The following SOX6 variants were observed in gnomAD, a reference collection of about 807,000 sequenced individuals.
SOX6 encodes the protein transcription factor SOX-6.
In SOX6, 11 loss-of-function variants were observed where a neutral mutation model predicts 97.8. The ratio of observed to expected loss-of-function variants is 0.11; its 90% CI spans 0.07 to 0.19. The LOEUF is 0.19. SOX6 is among the 10% of genes least tolerant of loss of function. The pLI, the probability that SOX6 is intolerant of heterozygous loss-of-function variation, is 1.00. For missense variants in SOX6, 810 were observed against 1,039.5 expected (o/e 0.78, Z 3.04); for synonymous variants, 360 against 371.4 (o/e 0.97, Z 0.35).
chr11:16,075,865 G>A (rs1007269369), intron 9 of SOX6, among the ~76,000 whole-genome samples: 3 of 151,652 alleles, frequency 2.0e-5, no homozygotes, highest in African/African-American at 7.3e-5. Flanking sequence ...GTGTGTGGAG[G>A]GGAACTGCCC....
intron 1 of SOX6, among the ~76,000 whole-genome samples, chr11:16,342,780 A>G (rs750767105): frequency 2.6e-5 from 4 of 152,008 alleles, no homozygotes; most frequent in African/African-American, 4.8e-5. Context: ...TTAATATAAG[A>G]TCAGCTAATC....
At chr11:15,990,863 C>T (rs992936204) in intron 13 of SOX6, among the ~76,000 whole-genome samples, 4 of 152,142 alleles carry the variant, frequency 2.6e-5, no homozygotes, top group Non-Finnish European at 4.4e-5. Context: ...TTATACAGGA[C>T]CAACATGATT....
intron 3 of SOX6, among the ~76,000 whole-genome samples, chr11:16,306,879 C>G (rs1229356269): frequency 6.6e-6 from 1 of 152,132 alleles, no homozygotes; most frequent in Non-Finnish European, 1.5e-5. Flanking sequence ...CCGCCTCAGC[C>G]TCCCAAAGTG....
chr11:16,628,885 G>A (rs955409645), intron 3 of SOX6, among the ~76,000 whole-genome samples: 1 of 151,806 alleles, frequency 6.6e-6, no homozygotes, highest in African/African-American at 2.4e-5. Flanking sequence ...ACTACTGTAA[G>A]TGGCTCTCAG....
chr11:15,988,870 C>T (rs1853949468), intron 14 of SOX6, 127 bp downstream of exon 14: 3 of 911,532 alleles, frequency 3.3e-6, no homozygotes, highest in African/African-American at 1.6e-5. Flanking sequence ...AGCTGGCTGA[C>T]CTTCGTCTAA....
At chr11:16,461,480 T>C (rs1859926579) in intron 1 of SOX6, among the ~76,000 whole-genome samples, 1 of 152,164 alleles carries the variant, frequency 6.6e-6, no homozygotes, top group Non-Finnish European at 1.5e-5. Flanking sequence ...TCACACTAAA[T>C]TTTCTAGCCT....
At chr11:16,502,318 G>A (rs928460476) in intron 4 of SOX6, among the ~76,000 whole-genome samples, 3 of 152,174 alleles carry the variant, frequency 2.0e-5, no homozygotes, top group Non-Finnish European at 2.9e-5. Flanking sequence ...TTGTGGGGTG[G>A]AGGGAGTGGG....
chr11:16,553,292 A>T (rs1847710434), intron 4 of SOX6, among the ~76,000 whole-genome samples: 1 of 152,204 alleles, frequency 6.6e-6, no homozygotes, highest in African/African-American at 2.4e-5. Context: ...GTGCACCCAA[A>T]GTCAGCTAAG....
chr11:15,972,853 A>G lies in SOX6; in HGVS notation c.2443T>C (p.Tyr815His). The G allele has an allele frequency of 6.2e-7, 1 of 1,614,226 alleles. No homozygotes were observed. The highest frequency in any genetic ancestry group is 8.5e-7 in the Non-Finnish European group (1 of 1,180,030). ...TCCGGGGCTTCATTTTCACTGCTAT[A>G]GTCTGATTTGGGGTCATCTTCATAG... is the stretch of plus-strand genomic sequence containing the variant. ...DDYEDDPKSD[Y>H]SSENEAPEAV... The change falls in exon 16 of 16, where the codon TAT becomes CAT. Residue 815 changes from tyrosine (Y) to histidine (H), a missense_variant. Tyr to His is a moderately conservative substitution (Grantham distance 83). Around this residue, in one of 9 missense-constraint regions of SOX6, gnomAD observed 122 missense variants for 153.4 expected, o/e 0.80. Coordinates refer to ENST00000683767, the MANE Select transcript of SOX6 (RefSeq NM_001367873.1).
At chr11:16,299,411 T>C (rs1855188575) in intron 3 of SOX6, among the ~76,000 whole-genome samples, 1 of 152,114 alleles carries the variant, frequency 6.6e-6, no homozygotes, top group Non-Finnish European at 1.5e-5. Context: ...TGACTCCTTA[T>C]ATGAGCCCAG....
chr11:16,634,168 G>T (rs1848750366), intron 3 of SOX6, among the ~76,000 whole-genome samples: 1 of 151,934 alleles, frequency 6.6e-6, no homozygotes, highest in Admixed American at 6.6e-5. Flanking sequence ...AATCTAAGCA[G>T]AGAAATAGGA....
At chr11:16,231,727 A>T (rs529564611) in intron 4 of SOX6, among the ~76,000 whole-genome samples, 1 of 151,888 alleles carries the variant, frequency 6.6e-6, no homozygotes, top group African/African-American at 2.4e-5. Context: ...CAAACAATAA[A>T]AACAACTTAA....
intron 9 of SOX6, among the ~76,000 whole-genome samples, chr11:16,094,372 G>A (rs1038659187): frequency 1.3e-5 from 2 of 151,794 alleles, no homozygotes; most frequent in East Asian, 1.9e-4. Flanking sequence ...AGAAGAGACT[G>A]GGTAGAAACC....
intron 3 of SOX6, among the ~76,000 whole-genome samples, chr11:16,644,052 C>A (rs1021950007): frequency 4.0e-5 from 6 of 148,678 alleles, no homozygotes; most frequent in African/African-American, 1.5e-4. Flanking sequence ...ATCTTGGAAC[C>A]ACCACTGACA....
intron 4 of SOX6, among the ~76,000 whole-genome samples, chr11:16,232,646 T>C (rs551077748): frequency 4.6e-5 from 7 of 152,176 alleles, no homozygotes; most frequent in African/African-American, 1.7e-4. Context: ...CATGTTGAAT[T>C]ATAACATAAT....
chr11:16,585,508 A>C (rs753032682), intron 4 of SOX6, among the ~76,000 whole-genome samples: 2 of 152,094 alleles, frequency 1.3e-5, no homozygotes, highest in African/African-American at 4.8e-5. Flanking sequence ...AGTTCATTTC[A>C]TCCCAAGCTA....
intron 4 of SOX6, among the ~76,000 whole-genome samples, chr11:16,499,333 C>G (rs1406038300): frequency 6.6e-6 from 1 of 152,088 alleles, no homozygotes; most frequent in Admixed American, 6.5e-5. Context: ...ATTTATAGCA[C>G]TAAATGCCCA....
chr11:16,185,059 G>A (rs538546501), intron 5 of SOX6, among the ~76,000 whole-genome samples: 1 of 152,218 alleles, frequency 6.6e-6, no homozygotes, highest in East Asian at 1.9e-4. Flanking sequence ...TAATGTTTTA[G>A]CCTATGCAGG....
At chr11:16,000,731 C>T (rs57172560) in intron 13 of SOX6, among the ~76,000 whole-genome samples, 236 of 123,126 alleles carry the variant, frequency 1.9e-3, no homozygotes, top group African/African-American at 9.2e-3. Flanking sequence ...TGTGTGTGTG[C>T]GCGCGTGCGC....
Sources: allele counts gnomAD v4.1 joint callset (sites outside exome capture counted in the v4.1 genomes callset), GRCh38; gene constraint gnomAD v4.1.1; regional missense constraint gnomAD v4.1.1; transcripts MANE v1.5; gene names NCBI Gene and HGNC (gene_info 2026-07-23, HGNC 2026-07-21).